BLTP1: variants seen among roughly 807,000 people sequenced by gnomAD.
BLTP1 encodes fragile site-associated protein.
At chr4:122,359,770 G>A in the BLTP1 span, 1 of 1,530,078 alleles carries the variant, frequency 6.5e-7, no homozygotes, top group Non-Finnish European at 8.7e-7. Flanking sequence ...GGATTACTAT[G>A]AGCAAAAAGT....
At chr4:122,238,513 TA>T in the BLTP1 span, among the ~76,000 whole-genome samples, 2 of 152,236 alleles carry the variant, frequency 1.3e-5, no homozygotes, top group Non-Finnish European at 2.9e-5. Context: ...TGTCTGATTA[TA>T]AAAGTCATAC....
At chr4:122,190,282 GAT>G in the BLTP1 span, 35,917 of 550,504 alleles carry the variant, frequency 0.065, 1,322 homozygotes, top group Non-Finnish European at 0.071. Context: ...GTTTTGTAGA[GAT>G]GGTATTTCGC....
At chr4:122,175,964 AT>A in the BLTP1 span, 1 of 939,162 alleles carries the variant, frequency 1.1e-6, no homozygotes, top group Non-Finnish European at 1.7e-6. Flanking sequence ...TATAATCAGG[AT>A]TTTATGAAAA....
At chr4:122,157,722 A>G in the BLTP1 span, among the ~76,000 whole-genome samples, 3 of 152,096 alleles carry the variant, frequency 2.0e-5, no homozygotes, top group Non-Finnish European at 2.9e-5. Context: ...TAATTCCATG[A>G]TGGCTCACTA....
the BLTP1 span, chr4:122,257,112 G>C: frequency 1.2e-6 from 1 of 848,936 alleles, no homozygotes; most frequent in Non-Finnish European, 1.8e-6. Context: ...GGGTAACTTT[G>C]AACAAATTAC....
chr4:122,282,321 T>C, the BLTP1 span, among the ~76,000 whole-genome samples: 1 of 152,168 alleles, frequency 6.6e-6, no homozygotes, highest in African/African-American at 2.4e-5. Flanking sequence ...CAATATAGCC[T>C]AAGAATTGGC....
At chr4:122,173,976 A>G in the BLTP1 span, among the ~76,000 whole-genome samples, 8 of 152,208 alleles carry the variant, frequency 5.3e-5, no homozygotes, top group African/African-American at 1.7e-4. Context: ...ATCATCTTGT[A>G]TGTTTCATTT....
the BLTP1 span, among the ~76,000 whole-genome samples, chr4:122,357,209 T>C: frequency 3.9e-5 from 6 of 152,192 alleles, no homozygotes; most frequent in Admixed American, 3.9e-4. Context: ...TGGTGGTATT[T>C]GGGTTCATGA....
chr4:122,244,938 T>C, the BLTP1 span: 10,492 of 1,499,758 alleles, frequency 7.0e-3, 624 homozygotes, highest in African/African-American at 0.13. Flanking sequence ...CAGATGGTGC[T>C]ACGTTTCATG....
the BLTP1 span, chr4:122,299,709 G>T: frequency 5.6e-6 from 4 of 717,824 alleles, no homozygotes; most frequent in Non-Finnish European, 6.8e-6. Flanking sequence ...AGCTGGGTTG[G>T]GGGGGTGATA....
the BLTP1 span, chr4:122,362,059 G>A: frequency 1.2e-6 from 2 of 1,608,986 alleles, no homozygotes; most frequent in South Asian, 2.2e-5. Flanking sequence ...AAGAAAGATT[G>A]ATCCAGTAGG....
At chr4:122,329,149 A>C in the BLTP1 span, among the ~76,000 whole-genome samples, 1 of 151,692 alleles carries the variant, frequency 6.6e-6, no homozygotes, top group Non-Finnish European at 1.5e-5. Context: ...CAAATAACTT[A>C]CTATGAAAAG....
chr4:122,244,911 C>A, the BLTP1 span: 2 of 1,298,700 alleles, frequency 1.5e-6, no homozygotes, highest in Non-Finnish European at 2.1e-6. Context: ...CAATGTTGAG[C>A]AATTGTTGTA....
At chr4:122,219,105 T>C in the BLTP1 span, 1 of 981,258 alleles carries the variant, frequency 1.0e-6, no homozygotes, top group African/African-American at 1.7e-5. Flanking sequence ...CATGAAGTTT[T>C]TCTATAAAAT....
At chr4:122,153,997 T>G in the BLTP1 span, 1 of 984,968 alleles carries the variant, frequency 1.0e-6, no homozygotes, top group Non-Finnish European at 1.2e-6. Context: ...ATACCTTGTA[T>G]AATTAGTTAA....
At chr4:122,317,010 G>GTC in the BLTP1 span, 1 of 529,702 alleles carries the variant, frequency 1.9e-6, no homozygotes, top group South Asian at 2.7e-5. Context: ...TAATAATTTG[G>GTC]TCAAGATTAT....
At chr4:122,262,113 T>C in the BLTP1 span, among the ~76,000 whole-genome samples, 1 of 151,500 alleles carries the variant, frequency 6.6e-6, no homozygotes, top group Non-Finnish European at 1.5e-5. Flanking sequence ...GTACCTAGAC[T>C]TACTTTTGAT....
At chr4:122,234,748 T>C in the BLTP1 span, 14 of 1,546,224 alleles carry the variant, frequency 9.1e-6, 1 homozygote, top group Middle Eastern at 1.7e-4. Context: ...TTGTTGTTTT[T>C]TGTTTTCTTT....
chr4:122,187,866 C>T, the BLTP1 span: 1 of 1,554,056 alleles, frequency 6.4e-7, no homozygotes, highest in Admixed American at 2.1e-5. Context: ...GATATAATAT[C>T]TCTTATCTGT....
Sources: allele counts gnomAD v4.1 joint callset (sites outside exome capture counted in the v4.1 genomes callset), GRCh38; gene constraint gnomAD v4.1.1; transcripts MANE v1.5; gene names NCBI Gene and HGNC (gene_info 2026-07-23, HGNC 2026-07-21).